Variants in TG observed in about 807,000 individuals in gnomAD.
TG encodes the protein thyroid hormones.
In TG, 270 loss-of-function variants were observed where a neutral mutation model predicts 324.7. The observed-to-expected ratio is 0.83, with a 90% CI of 0.75 to 0.92. TG has a LOEUF of 0.92. Among genes scored for constraint, TG ranks in the 40% least tolerant of loss-of-function variants. The pLI is 0.00. For missense variants in TG, 3,591 were observed against 3,456.4 expected (o/e 1.04, Z -0.98); for synonymous variants, 1,401 against 1,327.0 (o/e 1.06, Z -1.21).
rs1324760905 is a variant in TG, at chr8:132,919,463, C to T, written c.4466C>T (p.Ala1489Val). The stretch of plus-strand genomic sequence containing the variant: ...TACCAAGAACAGGCAGGGAGCTTGG[C>T]CTGTGTCCCATGTCCTGTGGGCAGA... ...GFYQEQAGSL[A>V]CVPCPVGRTT... The change falls in exon 21 of 48, where the codon GCC becomes GTC. Residue 1489 changes from alanine to valine, a missense_variant. Coordinates refer to ENST00000220616, the MANE Select transcript of TG (RefSeq NM_003235.5). 1.9e-6 allele frequency: 3 copies of T among 1,613,966 alleles called. No individual in the cohort carries two copies. Among genetic ancestry groups the T allele is most frequent in the Non-Finnish European group, 2.5e-6 (3 of 1,180,002 alleles).
In TG at chr8:132,888,444, C is replaced by G; in HGVS notation, c.2637C>G (p.Tyr879Ter). ...TCTTAAATGGCCAACTCAGCCAATA[C>G]CCGGGGTCCTACTCAGACTTCAGCA... The part of the protein sequence containing the change: ...WQILNGQLSQ[Y>*]PGSYSDFSTP... Residue 879 changes from tyrosine (Y) to a stop codon, truncating the protein, a stop_gained, in exon 10 of 48, where the codon TAC (tyrosine) becomes TAG (stop). Transcript: ENST00000220616. LOFTEE classifies it high-confidence loss of function. The G allele has an allele frequency of 6.2e-7, 1 of 1,612,458 alleles. No homozygotes were observed. The highest frequency in any genetic ancestry group is 1.1e-5 in the South Asian group (1 of 90,900).
chr8:133,110,235 G>T (rs1850149391), intron 43 of TG, among the ~76,000 whole-genome samples: 1 of 152,136 alleles, frequency 6.6e-6, no homozygotes, highest in South Asian at 2.1e-4. Flanking sequence ...CCCAATATCT[G>T]AGGTGGGGGC....
At chr8:133,082,873 G>A (rs1845967793) in intron 41 of TG, among the ~76,000 whole-genome samples, 1 of 152,092 alleles carries the variant, frequency 6.6e-6, no homozygotes, top group South Asian at 2.1e-4. Flanking sequence ...TATGCTGATA[G>A]CAATTTGCCA....
intron 39 of TG, among the ~76,000 whole-genome samples, chr8:133,021,397 G>A (rs370906074): frequency 6.6e-6 from 1 of 152,204 alleles, no homozygotes; most frequent in Non-Finnish European, 1.5e-5. Context: ...ACCATGAGAC[G>A]GGCTCCAGGT....
At position 132,888,049 on chromosome 8, in the gene TG, A is replaced by G; in HGVS notation, c.2242A>G (p.Asn748Asp). The G allele has an allele frequency of 1.2e-6, 2 of 1,614,076 alleles. No individual in the cohort carries two copies. Among genetic ancestry groups the G allele is most frequent in the Non-Finnish European group, 1.7e-6 (2 of 1,180,012 alleles). Residue 748 changes from asparagine to aspartate, a missense_variant, in exon 10 of 48, where the codon AAC becomes GAC. Physicochemically the swap from Asn to Asp is conservative, Grantham distance 23. Transcript: ENST00000220616. ...FLRTVQALLSNSSMLPTLSDT... is the reference protein window; with the variant it reads ...FLRTVQALLSDSSMLPTLSDT... ...CAGGACGGTGCAGGCCCTGCTCTCT[A>G]ACTCCAGCATGCTACCCACCCTTTC...
At chr8:132,931,944 A>G (rs543577648) in intron 23 of TG, among the ~76,000 whole-genome samples, 1 of 152,154 alleles carries the variant, frequency 6.6e-6, no homozygotes, top group Admixed American at 6.5e-5. Flanking sequence ...TAATACAAAA[A>G]TTAGCCAGGC....
chr8:133,056,849 G>A (rs987335025), intron 41 of TG, among the ~76,000 whole-genome samples: 2 of 152,168 alleles, frequency 1.3e-5, no homozygotes, highest in African/African-American at 4.8e-5. Context: ...CTAAAAGCTG[G>A]TCTGTGGTCT....
chr8:132,901,025 C>A (rs1361931109), intron 15 of TG, among the ~76,000 whole-genome samples: 1 of 152,234 alleles, frequency 6.6e-6, no homozygotes, highest in African/African-American at 2.4e-5. Context: ...CCTCTGCTGG[C>A]CTCTCTCTTC....
At chr8:132,925,512 A>AGTACGTGT (rs1821716735) in intron 22 of TG, among the ~76,000 whole-genome samples, 1 of 67,178 alleles carries the variant, frequency 1.5e-5, no homozygotes, top group African/African-American at 5.1e-5. Context: ...AGTCCTAAGG[A>AGTACGTGT]GTGCGTGTGT....
intron 43 of TG, among the ~76,000 whole-genome samples, chr8:133,097,647 A>G (rs956315757): frequency 6.6e-6 from 1 of 152,238 alleles, no homozygotes; most frequent in African/African-American, 2.4e-5. Context: ...GTATATTTGT[A>G]TGTTTTTCTG....
intron 47 of TG, 110 bp downstream of exon 47, chr8:133,133,770 G>A (rs1852132161): frequency 8.1e-7 from 1 of 1,240,300 alleles, no homozygotes; most frequent in Non-Finnish European, 1.2e-6. Context: ...GGGGTCACCA[G>A]TGCCAATGGC....
At chr8:132,905,655 TTGGCC>T (rs930907623) in intron 16 of TG, among the ~76,000 whole-genome samples, 9 of 152,186 alleles carry the variant, frequency 5.9e-5, no homozygotes, top group Non-Finnish European at 1.2e-4. Flanking sequence ...GCTGTGTGCC[TTGGCC>T]TGGGTGAACA....
intron 1 of TG, among the ~76,000 whole-genome samples, chr8:132,867,343 A>G (rs1839030203): frequency 6.6e-6 from 1 of 152,150 alleles, no homozygotes; most frequent in African/African-American, 2.4e-5. Context: ...CCATTTTGGC[A>G]AACTTTTGGC....
chr8:132,932,896 T>A (rs1189099798), intron 23 of TG, among the ~76,000 whole-genome samples: 1 of 152,198 alleles, frequency 6.6e-6, no homozygotes, highest in Non-Finnish European at 1.5e-5. Context: ...CCTCATAGAA[T>A]AGAAGCAATT....
intron 47 of TG, 84 bp from the exon 48 acceptor site, chr8:133,134,592 G>T (rs1367693966): frequency 2.4e-6 from 3 of 1,246,956 alleles, no homozygotes; most frequent in Non-Finnish European, 3.5e-6. Flanking sequence ...TGGAGGCTGG[G>T]GTCTCTTTGG....
chr8:132,889,828 G>C (rs1328730427), intron 10 of TG, among the ~76,000 whole-genome samples: 1 of 152,198 alleles, frequency 6.6e-6, no homozygotes, highest in Non-Finnish European at 1.5e-5. Context: ...CCAGGCTGGA[G>C]TGCAATGGAG....
At chr8:132,972,302 T>G in intron 33 of TG, 2 of 502,626 alleles carry the variant, frequency 4.0e-6, no homozygotes, top group Non-Finnish European at 7.2e-6. Flanking sequence ...CAAAGCTACC[T>G]TCCTCGTAAG....
At chr8:133,011,752 G>A (rs1055338381) in intron 35 of TG, 149 bp from the exon 36 acceptor site, 175 of 950,958 alleles carry the variant, frequency 1.8e-4, no homozygotes, top group Non-Finnish European at 5.6e-5. Flanking sequence ...AGAATGGAAA[G>A]ATGGATCAAG....
Position 132,906,893 on chromosome 8 carries a change from C to T in TG, c.3840C>T (p.Ala1280=). The change falls in exon 17 of 48, where the codon GCC becomes GCT. Residue 1280 remains alanine (A), a synonymous_variant. Coordinates refer to ENST00000220616, the MANE Select transcript of TG (RefSeq NM_003235.5). ...AGTCACAGCTGCCTCAGCCCCGGGC[C>T]TGCCAACGTGAGTGGCATCAGAGCA... ...RWESQLPQPR[A]CQRPQLWQTI... 6.2e-7 allele frequency: 1 copy of T among 1,611,674 alleles called. No homozygotes were observed. The highest frequency in any genetic ancestry group is 8.5e-7 in the Non-Finnish European group (1 of 1,179,084).
Sources: gnomAD v4.1 joint callset for allele counts (sites outside exome capture counted in the v4.1 genomes callset) on GRCh38, gnomAD v4.1.1 for gene constraint, MANE v1.5 for transcripts, NCBI Gene and HGNC (gene_info 2026-07-23, HGNC 2026-07-21) for gene names.